Variants in MACROD2 observed in about 807,000 individuals in gnomAD.
MACROD2 encodes the protein ADP-ribose glycohydrolase MACROD2.
Under a neutral mutation model 70.4 loss-of-function variants are expected in MACROD2, and 36 were observed. The observed-to-expected ratio is 0.51, with a 90% CI of 0.39 to 0.68. The LOEUF (loss-of-function observed/expected upper bound fraction) is 0.68. MACROD2 is among the 30% of genes least tolerant of loss of function. MACROD2 has a pLI of 0.00. For synonymous variants in MACROD2, 172 were observed against 178.8 expected (o/e 0.96, Z 0.30); for missense variants, 496 against 538.4 (o/e 0.92, Z 0.78).
intron 5 of MACROD2, among the ~76,000 whole-genome samples, chr20:15,055,382 T>G (rs1026244402): frequency 1.3e-5 from 2 of 152,196 alleles, no homozygotes; most frequent in African/African-American, 4.8e-5. Context: ...TGGCTGTGTT[T>G]CAGTTCACCC....
At chr20:14,435,850 G>T (rs1350847260) in intron 3 of MACROD2, among the ~76,000 whole-genome samples, 1 of 151,904 alleles carries the variant, frequency 6.6e-6, no homozygotes, top group Admixed American at 6.6e-5. Context: ...GGGTCTACTG[G>T]TGCCCGCCAC....
chr20:15,481,837 G>T (rs990967963), intron 7 of MACROD2, among the ~76,000 whole-genome samples: 1 of 152,168 alleles, frequency 6.6e-6, no homozygotes, highest in Non-Finnish European at 1.5e-5. Flanking sequence ...GCTGGCTTCT[G>T]CCCTTATGGA....
intron 12 of MACROD2, among the ~76,000 whole-genome samples, chr20:15,955,746 A>T (rs2147377469): frequency 6.6e-6 from 1 of 152,356 alleles, no homozygotes; most frequent in East Asian, 1.9e-4. Context: ...AATAATTTTA[A>T]TTATACATTT....
intron 2 of MACROD2, among the ~76,000 whole-genome samples, chr20:14,006,138 T>C (rs2052816287): frequency 6.6e-6 from 1 of 152,190 alleles, no homozygotes; most frequent in African/African-American, 2.4e-5. Flanking sequence ...CTGTATGGGT[T>C]TTAGCCTAGG....
chr20:15,732,464 T>C (rs1383345184), intron 8 of MACROD2, among the ~76,000 whole-genome samples: 2 of 152,248 alleles, frequency 1.3e-5, no homozygotes, highest in Non-Finnish European at 2.9e-5. Context: ...TGTTCCCTTC[T>C]ATTCCTAGTT....
Position 15,992,500 on chromosome 20 carries a change from A to G in MACROD2, c.1153+5342A>G, listed in dbSNP as rs543965511. ...CACCACCACCACCTCTCATCCCTTC[A>G]CTCCGTGCAGTACCACAAACTCAAG... is the stretch of plus-strand genomic sequence containing the variant. On this transcript the variant is annotated intron_variant, in intron 15 of 17. Transcript: ENST00000684519. Among the ~76,000 whole-genome samples, 3 of 151,662 alleles carry G rather than the reference A, an allele frequency of 2.0e-5. No individual in the cohort carries two copies. In the East Asian group the frequency reaches 5.8e-4, roughly 29 times the overall value.
chr20:15,483,914 A>G (rs2047131072), intron 7 of MACROD2, among the ~76,000 whole-genome samples: 1 of 151,996 alleles, frequency 6.6e-6, no homozygotes, highest in African/African-American at 2.4e-5. Flanking sequence ...TTAACCTTCT[A>G]TCTTGCAATC....
At chr20:15,937,236 C>T (rs2065678232) in intron 11 of MACROD2, among the ~76,000 whole-genome samples, 1 of 152,174 alleles carries the variant, frequency 6.6e-6, no homozygotes, top group Non-Finnish European at 1.5e-5. Context: ...AAGTGGCATT[C>T]TTCACTAAGA....
chr20:15,843,959 C>T (rs1215503995), intron 8 of MACROD2, among the ~76,000 whole-genome samples: 2 of 151,936 alleles, frequency 1.3e-5, no homozygotes, highest in Non-Finnish European at 2.9e-5. Flanking sequence ...CACAATCACT[C>T]ATCCCTACTA....
At chr20:15,260,173 T>C (rs1019177199) in intron 6 of MACROD2, among the ~76,000 whole-genome samples, 2 of 151,836 alleles carry the variant, frequency 1.3e-5, no homozygotes, top group East Asian at 3.9e-4. Flanking sequence ...TTTTAAAGTA[T>C]ACAAATAATG....
intron 4 of MACROD2, among the ~76,000 whole-genome samples, chr20:14,534,089 C>T (rs1047534066): frequency 1.3e-5 from 2 of 152,138 alleles, no homozygotes; most frequent in African/African-American, 4.8e-5. Context: ...CATTTAGGCT[C>T]TATCTTTTAA....
intron 3 of MACROD2, among the ~76,000 whole-genome samples, chr20:14,354,384 C>G (rs2083152904): frequency 6.6e-6 from 1 of 151,942 alleles, no homozygotes; most frequent in Non-Finnish European, 1.5e-5. Flanking sequence ...ATATTTGTTT[C>G]TTGTGTCTTA....
chr20:14,520,979 A>G (rs6135165), intron 4 of MACROD2, among the ~76,000 whole-genome samples: 2 of 115,658 alleles, frequency 1.7e-5, no homozygotes, highest in African/African-American at 3.2e-5. Flanking sequence ...ACACACGCAC[A>G]CACACACCCC....
intron 10 of MACROD2, among the ~76,000 whole-genome samples, chr20:15,930,984 G>A (rs1425366231): frequency 6.6e-6 from 1 of 152,174 alleles, no homozygotes; most frequent in Non-Finnish European, 1.5e-5. Flanking sequence ...GTGGTAACCA[G>A]AGTACTTTCA....
intron 5 of MACROD2, among the ~76,000 whole-genome samples, chr20:14,834,700 A>G (rs770793581): frequency 6.6e-6 from 1 of 152,056 alleles, no homozygotes; most frequent in South Asian, 2.1e-4. Flanking sequence ...TTGCTGGTTG[A>G]AATTACTTTA....
chr20:15,891,345 G>A (rs2064886932), intron 10 of MACROD2, among the ~76,000 whole-genome samples: 1 of 152,194 alleles, frequency 6.6e-6, no homozygotes, highest in Admixed American at 6.5e-5. Context: ...TGAGGCTAGT[G>A]TGGTAAGCGG....
At chr20:15,351,012 G>T (rs951126995) in intron 6 of MACROD2, among the ~76,000 whole-genome samples, 1 of 146,692 alleles carries the variant, frequency 6.8e-6, no homozygotes, top group African/African-American at 2.5e-5. Context: ...TTACCTGTAT[G>T]ATTTAAGTAT....
At chr20:15,822,086 A>T (rs2063944613) in intron 8 of MACROD2, among the ~76,000 whole-genome samples, 1 of 152,210 alleles carries the variant, frequency 6.6e-6, no homozygotes, top group Non-Finnish European at 1.5e-5. Context: ...TTGAAAAAAC[A>T]AGTAGCCTCA....
At chr20:15,599,650 A>G (rs992220112) in intron 8 of MACROD2, among the ~76,000 whole-genome samples, 10 of 152,256 alleles carry the variant, frequency 6.6e-5, no homozygotes, top group Admixed American at 2.6e-4. Context: ...ATGCAACACC[A>G]TAAAAGTCCT....
Sources: gnomAD v4.1 joint callset for allele counts (sites outside exome capture counted in the v4.1 genomes callset) on GRCh38, gnomAD v4.1.1 for gene constraint, MANE v1.5 for transcripts, NCBI Gene and HGNC (gene_info 2026-07-23, HGNC 2026-07-21) for gene names.